The following CATSPERG variants were observed in gnomAD, a reference collection of about 807,000 sequenced individuals.
CATSPERG encodes catsper channel auxiliary subunit gamma.
In CATSPERG, 115 loss-of-function variants were observed where a neutral mutation model predicts 145.0. The observed-to-expected ratio is 0.79, with a 90% CI of 0.68 to 0.93. The LOEUF (loss-of-function observed/expected upper bound fraction) is 0.93. Ranked by LOEUF, CATSPERG falls within the 40% of genes least tolerant of loss-of-function variation. The pLI, the probability that CATSPERG is intolerant of heterozygous loss-of-function variation, is 0.00. For synonymous variants in CATSPERG, 588 were observed against 589.0 expected (o/e 1.00, Z 0.02); for missense variants, 1,296 against 1,490.1 (o/e 0.87, Z 2.14).
intron 8 of CATSPERG, among the ~76,000 whole-genome samples, chr19:38,353,776 G>A (rs570612105): frequency 5.4e-5 from 8 of 148,490 alleles, no homozygotes; most frequent in East Asian, 2.0e-4. Flanking sequence ...GGCGGATCAC[G>A]AGGTCAGGAG....
chr19:38,339,621 G>A (rs771306068), intron 3 of CATSPERG, among the ~76,000 whole-genome samples: 2 of 151,680 alleles, frequency 1.3e-5, no homozygotes, highest in Non-Finnish European at 2.9e-5. Flanking sequence ...TTTAATTTTG[G>A]TGAAGCCCAG....
intron 8 of CATSPERG, 163 bp downstream of exon 8, chr19:38,352,595 C>CTTTT (rs576701757): frequency 9.6e-4 from 302 of 314,042 alleles, no homozygotes; most frequent in Middle Eastern, 1.9e-3. Flanking sequence ...TTGCCTTGCC[C>CTTTT]TTTTTTTTTT....
chr19:38,344,882 C>CACACACACACACACACACACACAT (rs1379988844), intron 6 of CATSPERG, among the ~76,000 whole-genome samples: 1 of 53,324 alleles, frequency 1.9e-5, no homozygotes, highest in African/African-American at 5.2e-5. Context: ...CACACACACA[C>CACACACACACACACACACACACAT]ATATATATAT....
In CATSPERG at chr19:38,362,387, C is replaced by A. The variant is rs1316357827; in HGVS notation, c.2169C>A (p.Phe723Leu). ...ANNKQDQDYY[F>L]FLASNWRSAG... ...ATCCGGTACCCCAGGATTACTACTT[C>A]TTCTTGGCGAGCAATTGGCGAAGCG... The change falls in exon 19 of 29, where the codon TTC (phenylalanine) becomes TTA (leucine). Residue 723 changes from phenylalanine (F) to leucine (L), a missense_variant. Phe to Leu is a conservative substitution (Grantham distance 22, BLOSUM62 0). Coordinates refer to ENST00000409235, the MANE Select transcript of CATSPERG (RefSeq NM_021185.5). 6.2e-7 allele frequency: 1 copy of A among 1,614,080 alleles called. No homozygotes were observed. Among genetic ancestry groups the A allele is most frequent in the Non-Finnish European group, 8.5e-7 (1 of 1,180,030 alleles).
intron 28 of CATSPERG, 110 bp from the exon 29 acceptor site, chr19:38,370,416 C>T: frequency 1.3e-6 from 2 of 1,488,462 alleles, no homozygotes; most frequent in Non-Finnish European, 1.9e-6. Flanking sequence ...CATTCATTTC[C>T]TCCTGCTGTC....
rs896152651 is a variant in CATSPERG at position 38,343,842 on chromosome 19, C to T, written c.469+118C>T. On this transcript the variant is annotated intron_variant, in intron 4 of 28. Transcript: ENST00000409235. ...TGGGGGGCGGGAGCTCAGCACATTCCATGGCCTAGAGGGGCCACACAGAGG... is the reference window on the plus strand; with the variant it reads ...TGGGGGGCGGGAGCTCAGCACATTCTATGGCCTAGAGGGGCCACACAGAGG... The T allele has an allele frequency of 3.5e-6, 5 of 1,409,466 alleles. No individual in the cohort carries two copies. The African/African-American group carries it at 4.3e-5, about 12-fold the overall frequency. The allele number at this position is 1,409,466 out of a possible 1,614,324, so 87.3% of individuals were successfully genotyped here. A position where few individuals can be genotyped will look rare whatever the true frequency, so the allele number is the denominator to read the frequency against.
chr19:38,362,630 G>C (rs919702676), intron 19 of CATSPERG, 56 bp downstream of exon 19: 6 of 1,608,118 alleles, frequency 3.7e-6, no homozygotes, highest in Non-Finnish European at 4.3e-6. Flanking sequence ...ACCAGAATCT[G>C]GGAGCCTGGG....
chr19:38,337,939 A>C (rs1600438656), intron 3 of CATSPERG: 2 of 269,240 alleles, frequency 7.4e-6, no homozygotes, highest in Non-Finnish European at 1.4e-5. Flanking sequence ...CTGGTCTCAA[A>C]CTCCTGACCT....
In CATSPERG at chr19:38,367,764, G is replaced by GC; in HGVS notation, c.2923dup (p.Leu975ProfsTer44). The stretch of plus-strand genomic sequence containing the variant: ...GAGGACGAAATCTACCGCTTCAACA[G>GC]CCCCCTGGACAAGTAATCCCCGTGG... On this transcript the variant is annotated frameshift_variant, in exon 25 of 29. Coordinates refer to ENST00000409235, the MANE Select transcript of CATSPERG (RefSeq NM_021185.5). LOFTEE classifies it high-confidence loss of function. The GC allele has an allele frequency of 1.2e-6, 2 of 1,613,940 alleles. No individual in the cohort carries two copies. Among genetic ancestry groups the GC allele is most frequent in the South Asian group, 1.1e-5 (1 of 91,080 alleles).
chr19:38,348,736 G>C (rs535641326), intron 7 of CATSPERG, among the ~76,000 whole-genome samples: 1 of 152,224 alleles, frequency 6.6e-6, no homozygotes, highest in Admixed American at 6.6e-5. Context: ...GCCTCCCAAA[G>C]TGCTGGTATT....
intron 26 of CATSPERG, chr19:38,369,732 G>GA: frequency 1.8e-6 from 1 of 565,586 alleles, no homozygotes; most frequent in South Asian, 1.9e-5. Context: ...TGGATGCACA[G>GA]TGACAGAGGA....
At chr19:38,363,525 G>A (rs1326352796) in intron 20 of CATSPERG, among the ~76,000 whole-genome samples, 1 of 148,224 alleles carries the variant, frequency 6.7e-6, no homozygotes, top group Non-Finnish European at 1.5e-5. Flanking sequence ...TCATTCTTGG[G>A]TGTTTCTAGG....
At chr19:38,344,743 T>G (rs867579375) in intron 6 of CATSPERG, among the ~76,000 whole-genome samples, 3 of 117,040 alleles carry the variant, frequency 2.6e-5, no homozygotes, top group South Asian at 6.1e-4. Flanking sequence ...AGTACATACC[T>G]GTACATACAT....
intron 9 of CATSPERG, among the ~76,000 whole-genome samples, chr19:38,355,451 C>T (rs1568377601): frequency 6.6e-6 from 1 of 152,012 alleles, no homozygotes; most frequent in African/African-American, 2.4e-5. Flanking sequence ...AATCCCAGCA[C>T]TTTGGGAGGC....
intron 26 of CATSPERG, among the ~76,000 whole-genome samples, chr19:38,368,501 G>T (rs2145115853): frequency 6.6e-6 from 1 of 152,250 alleles, no homozygotes; most frequent in African/African-American, 2.4e-5. Flanking sequence ...TCTGGTGTGG[G>T]GTCTGTCTCT....
In CATSPERG at chr19:38,344,370, T is replaced by G. The variant is rs1253848582; in HGVS notation, c.669+2T>G. 1 of 1,550,536 alleles carries G rather than the reference T, an allele frequency of 6.4e-7. No homozygotes were observed. Among genetic ancestry groups the G allele is most frequent in the Non-Finnish European group, 8.7e-7 (1 of 1,146,358 alleles). On this transcript the variant is annotated splice_donor_variant, in intron 6 of 28. Transcript: ENST00000409235. LOFTEE classifies it high-confidence loss of function. ...ATCCAATTCACTGTGGGAGAGGAGG[T>G]GAGGGAATATGGCAGGGGAAAAAGA... is the stretch of plus-strand genomic sequence containing the variant.
intron 25 of CATSPERG, 48 bp downstream of exon 25, chr19:38,367,824 G>T: frequency 6.4e-7 from 1 of 1,552,484 alleles, no homozygotes; most frequent in South Asian, 1.1e-5. Flanking sequence ...TTCCCCTGGA[G>T]GCCTTTCCCA....
intron 14 of CATSPERG, chr19:38,360,205 T>C: frequency 6.1e-6 from 6 of 984,826 alleles, no homozygotes; most frequent in Non-Finnish European, 7.2e-6. Context: ...GGAGTGTGTG[T>C]GTTAGAGATG....
chr19:38,347,826 A>G (rs1023304474), intron 7 of CATSPERG, among the ~76,000 whole-genome samples: 2 of 151,970 alleles, frequency 1.3e-5, no homozygotes, highest in Non-Finnish European at 2.9e-5. Context: ...CTGTAATCCC[A>G]GCTACTCTGG....
Sources: gnomAD v4.1 joint callset for allele counts (sites outside exome capture counted in the v4.1 genomes callset) on GRCh38, gnomAD v4.1.1 for gene constraint, MANE v1.5 for transcripts, NCBI Gene and HGNC (gene_info 2026-07-23, HGNC 2026-07-21) for gene names.